ICA1: variants seen among roughly 807,000 people sequenced by gnomAD.
ICA1 encodes 69 kDa islet cell autoantigen.
Under a neutral mutation model 71.0 loss-of-function variants are expected in ICA1, and 40 were observed. The observed-to-expected ratio is 0.56, with a 90% CI of 0.44 to 0.73. The LOEUF (loss-of-function observed/expected upper bound fraction) is 0.73. Among genes scored for constraint, ICA1 ranks in the 30% least tolerant of loss-of-function variants. The probability of loss-of-function intolerance (pLI) is 0.00; values close to 1 mark genes in which losing one functional copy is unlikely to be tolerated. For synonymous variants in ICA1, 207 were observed against 209.5 expected (o/e 0.99, Z 0.10); for missense variants, 578 against 576.5 (o/e 1.00, Z -0.03).
At chr7:8,252,039 T>G (rs1314805698) in intron 1 of ICA1, among the ~76,000 whole-genome samples, 1 of 152,080 alleles carries the variant, frequency 6.6e-6, no homozygotes, top group Non-Finnish European at 1.5e-5. Context: ...GATAAAAATA[T>G]AAAGTGTAAA....
intron 1 of ICA1, 88 bp from the exon 2 acceptor site, chr7:8,236,093 C>T (rs1001371665): frequency 4.5e-6 from 3 of 673,322 alleles, no homozygotes; most frequent in African/African-American, 3.6e-5. Context: ...CAACCTAAGC[C>T]ATTTCTAGCT....
At chr7:8,160,798 G>A (rs1294848807) in intron 6 of ICA1, among the ~76,000 whole-genome samples, 2 of 152,168 alleles carry the variant, frequency 1.3e-5, no homozygotes, top group Non-Finnish European at 1.5e-5. Context: ...GCAGAGCAAA[G>A]AGCCAGTAGT....
chr7:8,186,471 A>G (rs1221218047), intron 6 of ICA1, among the ~76,000 whole-genome samples: 3 of 152,178 alleles, frequency 2.0e-5, no homozygotes, highest in Admixed American at 6.5e-5. Flanking sequence ...GAGCTGCTGA[A>G]GGTCCTGAGC....
intron 12 of ICA1, among the ~76,000 whole-genome samples, chr7:8,138,549 G>T (rs1378703962): frequency 1.3e-5 from 2 of 152,112 alleles, no homozygotes; most frequent in African/African-American, 4.8e-5. Flanking sequence ...TTAAATCCAC[G>T]TGTCTGATTC....
At chr7:8,164,190 G>A (rs1804977024) in intron 6 of ICA1, among the ~76,000 whole-genome samples, 1 of 150,890 alleles carries the variant, frequency 6.6e-6, no homozygotes, top group South Asian at 2.1e-4. Context: ...TGTAATCCTA[G>A]CTACTCAGGA....
rs902504660 is a variant in ICA1 at position 8,226,024 on chromosome 7, T to C, written c.256+2577A>G. 6.6e-6 allele frequency among the ~76,000 whole-genome samples: 1 copy of C among 152,218 alleles called. No homozygotes were observed. Among genetic ancestry groups the C allele is most frequent in the African/African-American group, 2.4e-5 (1 of 41,466 alleles). ...ACTACTGAGGTTAGTTCTTTTTTTT[T>C]CTGATTCTGATCACTGTGACAATGT... On this transcript the variant is annotated intron_variant, in intron 4 of 13. Transcript: ENST00000402384. The surrounding 1 kb of genome is among the most constrained non-coding windows in gnomAD (Gnocchi z 4.4).
intron 8 of ICA1, 33 bp downstream of exon 8, chr7:8,157,083 A>G: frequency 1.2e-6 from 2 of 1,614,180 alleles, no homozygotes; most frequent in East Asian, 2.2e-5. Flanking sequence ...TACTTTTCTC[A>G]AGATTTTCTA....
In ICA1 at chr7:8,236,122, C is replaced by A. The variant is rs537369817; in HGVS notation, c.-79-117G>T. On this transcript the variant is annotated intron_variant, in intron 1 of 13. Coordinates refer to ENST00000402384, the MANE Select transcript of ICA1 (RefSeq NM_001136020.3). Reference sequence around the variant, plus strand: ...TCTAGCTGTATTTTAGGGTCTAACACTGTTACACAGTAATGCTGCACACTG... The same window carrying A: ...TCTAGCTGTATTTTAGGGTCTAACAATGTTACACAGTAATGCTGCACACTG... The A allele has an allele frequency of 2.4e-5, 14 of 573,992 alleles. No individual in the cohort carries two copies. In the South Asian group the frequency reaches 3.5e-4, roughly 15 times the overall value. 35.6% of individuals were successfully genotyped at this position (573,992 alleles called of 1,614,324 possible). A position where few individuals can be genotyped will look rare whatever the true frequency, so the allele number is the denominator to read the frequency against.
intron 1 of ICA1, among the ~76,000 whole-genome samples, chr7:8,261,369 C>T (rs1029688593): frequency 3.9e-5 from 6 of 152,068 alleles, no homozygotes; most frequent in Non-Finnish European, 5.9e-5. Context: ...AGGATATGTT[C>T]GTTTCTAGAG....
rs757281840 is a variant in ICA1 at position 8,157,178 on chromosome 7, TG to T, written c.741del (p.His247GlnfsTer21). 2 of 1,607,794 alleles carry T rather than the reference TG, an allele frequency of 1.2e-6. No individual in the cohort carries two copies. Among genetic ancestry groups the T allele is most frequent in the Non-Finnish European group, 1.7e-6 (2 of 1,178,376 alleles). ...AAACTCTCATGGATGGCTGCCATAGTGTGAGAAGTTTTCTCCCAAAAATGAA... is the reference window on the plus strand; with the variant it reads ...AAACTCTCATGGATGGCTGCCATAGTTGAGAAGTTTTCTCCCAAAAATGAA... Reference protein sequence around the residue: ...TLLHFWEKTSHTMAAIHESFK... With the variant: ...TLLHFWEKTSXTMAAIHESFK... On this transcript the variant is annotated frameshift_variant, in exon 8 of 14. Transcript: ENST00000402384. LOFTEE classifies it high-confidence loss of function.
chr7:8,134,231 T>C (rs1181776955), intron 12 of ICA1, among the ~76,000 whole-genome samples: 1 of 152,158 alleles, frequency 6.6e-6, no homozygotes, highest in Non-Finnish European at 1.5e-5. Context: ...AAAAACCCTA[T>C]GCCCCTGGGA....
intron 5 of ICA1, among the ~76,000 whole-genome samples, chr7:8,221,063 T>G (rs1326645504): frequency 6.6e-6 from 1 of 152,078 alleles, no homozygotes; most frequent in African/African-American, 2.4e-5. Context: ...GAAAAAAAAT[T>G]TTTTTTAATT....
chr7:8,136,158 T>G (rs2128105627), intron 12 of ICA1, among the ~76,000 whole-genome samples: 1 of 152,322 alleles, frequency 6.6e-6, no homozygotes, highest in South Asian at 2.1e-4. Context: ...GGGGGTGATT[T>G]TCTGGGCAAT....
chr7:8,150,213 C>T (rs1382337361), intron 8 of ICA1, among the ~76,000 whole-genome samples: 1 of 152,198 alleles, frequency 6.6e-6, no homozygotes, highest in African/African-American at 2.4e-5. Flanking sequence ...GTCTCCACTC[C>T]TTGGAGGTCT....
At position 8,128,144 on chromosome 7, in the gene ICA1, T is replaced by A; in HGVS notation, c.1061-2A>T. The A allele has an allele frequency of 6.2e-7, 1 of 1,613,720 alleles. No homozygotes were observed. The highest frequency in any genetic ancestry group is 8.5e-7 in the Non-Finnish European group (1 of 1,179,716). ...TCCCTGCCACTGGTCCCAGGCAAGC[T>A]GATTGAAGTAACAGAGAACAAAACG... On this transcript the variant is annotated splice_acceptor_variant, in intron 12 of 13. Coordinates refer to ENST00000402384, the MANE Select transcript of ICA1 (RefSeq NM_001136020.3). LOFTEE classifies it high-confidence loss of function.
intron 6 of ICA1, among the ~76,000 whole-genome samples, chr7:8,196,595 T>C (rs1460467880): frequency 6.6e-6 from 1 of 152,110 alleles, no homozygotes; most frequent in Non-Finnish European, 1.5e-5. Context: ...AGGCTGTGTG[T>C]ATGCACTGGG....
Position 8,173,001 on chromosome 7 carries a change from G to A in ICA1, c.580-14349C>T, listed in dbSNP as rs182139972. ...TTCCAGTTTAAATATCACTGACAAC[G>A]GAGGTGAAAGTAAAATAGGGGCTTA... On this transcript the variant is annotated intron_variant, in intron 6 of 13. Transcript: ENST00000402384. This position sits in a 1 kb window ranked among gnomAD's most constrained non-coding sequence, Gnocchi z 4.0. Among the ~76,000 whole-genome samples, 10 of 152,232 alleles carry A rather than the reference G, an allele frequency of 6.6e-5. No homozygotes were observed. The highest frequency in any genetic ancestry group is 2.2e-4 in the African/African-American group (9 of 41,540).
At chr7:8,209,055 C>T (rs146453193) in intron 6 of ICA1, among the ~76,000 whole-genome samples, 2 of 152,282 alleles carry the variant, frequency 1.3e-5, no homozygotes, top group East Asian at 3.9e-4. Flanking sequence ...CCCAATACAC[C>T]TAAACCTTAG....
Position 8,123,038 on chromosome 7 carries a change from C to T in ICA1, c.1330+4835G>A, listed in dbSNP as rs972664034. On this transcript the variant is annotated intron_variant, in intron 13 of 13. Coordinates refer to ENST00000402384, the MANE Select transcript of ICA1 (RefSeq NM_001136020.3). The surrounding 1 kb of genome is among the most constrained non-coding windows in gnomAD (Gnocchi z 4.1). ...CTCTGGCTGGCTCTCCTCCTACTCA[C>T]ACAAAGTGGCCTTGGGAAGGCACAA... Among the ~76,000 whole-genome samples the T allele has an allele frequency of 6.6e-6, 1 of 152,208 alleles. No homozygotes were observed. The highest frequency in any genetic ancestry group is 1.5e-5 in the Non-Finnish European group (1 of 68,040).
Sources: gnomAD v4.1 joint callset for allele counts (sites outside exome capture counted in the v4.1 genomes callset) on GRCh38, gnomAD v4.1.1 for gene constraint, Gnocchi (gnomAD v3.1) non-coding constraint, MANE v1.5 for transcripts, NCBI Gene and HGNC (gene_info 2026-07-23, HGNC 2026-07-21) for gene names.